Variants in TMEM132D observed in about 807,000 individuals in gnomAD.
TMEM132D encodes the protein transmembrane protein 132D, also known as mature OL transmembrane protein.
Under a neutral mutation model 62.3 loss-of-function variants are expected in TMEM132D, and 21 were observed. That is an observed-to-expected ratio of 0.34 (90% confidence interval 0.24 to 0.49). The LOEUF is 0.49. Among genes scored for constraint, TMEM132D ranks in the 20% least tolerant of loss-of-function variants. The pLI is 0.99. For missense variants in TMEM132D, 1,346 were observed against 1,402.8 expected (o/e 0.96, Z 0.65); for synonymous variants, 621 against 575.6 (o/e 1.08, Z -1.13).
intron 1 of TMEM132D, among the ~76,000 whole-genome samples, chr12:129,815,341 T>C (rs1043627853): frequency 6.6e-6 from 1 of 152,238 alleles, no homozygotes; most frequent in African/African-American, 2.4e-5. Flanking sequence ...CAGGCATCGC[T>C]TGAGAGACTC....
intron 3 of TMEM132D, among the ~76,000 whole-genome samples, chr12:129,344,193 C>T (rs143169273): frequency 9.4e-4 from 143 of 152,196 alleles, no homozygotes; most frequent in African/African-American, 3.0e-3. Flanking sequence ...TTCTTTCTTG[C>T]GTGAGATCCA....
In TMEM132D at chr12:129,074,136, A is replaced by C. The variant is rs745333995; in HGVS notation, c.3039T>G (p.Asn1013Lys). ...LLSTNSQKSI[N>K]GQLFKPLGPI... ...GTCCCAAAGGTTTGAACAGCTGCCCATTGATGCTTTTTTGGGAGTTTGTGC... is the reference window on the plus strand; with the variant it reads ...GTCCCAAAGGTTTGAACAGCTGCCCCTTGATGCTTTTTTGGGAGTTTGTGC... Residue 1013 changes from asparagine (N) to lysine (K), a missense_variant, in exon 9 of 9, where the codon AAT (asparagine) becomes AAG (lysine). Transcript: ENST00000422113. 3.7e-6 allele frequency: 6 copies of C among 1,613,972 alleles called. No individual in the cohort carries two copies. The Admixed American group carries it at 6.7e-5, about 18-fold the overall frequency.
chr12:129,402,831 G>A (rs1736371273), intron 3 of TMEM132D, among the ~76,000 whole-genome samples: 1 of 152,002 alleles, frequency 6.6e-6, no homozygotes, highest in Admixed American at 6.5e-5. Context: ...ATTGAGGACT[G>A]GGTCCTGGGG....
At chr12:129,418,129 G>A (rs1290618099) in intron 3 of TMEM132D, among the ~76,000 whole-genome samples, 2 of 152,168 alleles carry the variant, frequency 1.3e-5, no homozygotes, top group Non-Finnish European at 2.9e-5. Flanking sequence ...TGAACTAATG[G>A]TTGCATTGTG....
intron 2 of TMEM132D, among the ~76,000 whole-genome samples, chr12:129,631,673 A>AG (rs1879348794): frequency 1.3e-5 from 2 of 152,218 alleles, no homozygotes; most frequent in Admixed American, 1.3e-4. Flanking sequence ...TAGCTGGGAA[A>AG]GGATCACCTA....
At chr12:129,085,442 C>T (rs928447812) in intron 5 of TMEM132D, 2 of 152,276 alleles carry the variant, frequency 1.3e-5, no homozygotes, top group South Asian at 2.1e-4. Context: ...AAGTTGCCCA[C>T]CATGCGAGCT....
intron 4 of TMEM132D, among the ~76,000 whole-genome samples, chr12:129,226,023 G>A (rs1484319437): frequency 6.6e-6 from 1 of 152,182 alleles, no homozygotes; most frequent in African/African-American, 2.4e-5. Flanking sequence ...CTGAAAGAAA[G>A]ACGGGAAGTT....
chr12:129,513,753 G>A (rs1013154530), intron 3 of TMEM132D, among the ~76,000 whole-genome samples: 3 of 150,948 alleles, frequency 2.0e-5, no homozygotes, highest in African/African-American at 7.3e-5. Flanking sequence ...TCAAAGTGCT[G>A]GGATTACAGG....
intron 5 of TMEM132D, among the ~76,000 whole-genome samples, chr12:129,179,849 G>A (rs536025191): frequency 3.9e-5 from 6 of 152,124 alleles, no homozygotes; most frequent in South Asian, 2.1e-4. Context: ...CCAACATGGC[G>A]AAACTCCGTC....
Position 129,072,431 on chromosome 12 carries a change from T to C in TMEM132D, c.*1444A>G, listed in dbSNP as rs761999009. 1 of 152,412 alleles carries C rather than the reference T, an allele frequency of 6.6e-6. No homozygotes were observed. The highest frequency in any genetic ancestry group is 1.5e-5 in the Non-Finnish European group (1 of 68,076). 9.4% of individuals were successfully genotyped at this position (152,412 alleles called of 1,614,324 possible). ...AGGCAGGAATTCTCTGATGTATCCT[T>C]GCCCCCATCTTCATAGGCTTCATAA... is the stretch of plus-strand genomic sequence containing the variant. On this transcript the variant is annotated 3_prime_UTR_variant, in exon 9 of 9. Transcript: ENST00000422113.
In TMEM132D at chr12:129,383,483, T is replaced by C. The variant is rs1257394993; in HGVS notation, c.1116-45666A>G. Among the ~76,000 whole-genome samples, 4 of 152,160 alleles carry C rather than the reference T, an allele frequency of 2.6e-5. No homozygotes were observed. In the East Asian group the frequency reaches 5.8e-4, roughly 22 times the overall value. On this transcript the variant is annotated intron_variant, in intron 3 of 8. Transcript: ENST00000422113. ...TGTTGTTATTGAGGCGGAGTCTTGCTCTGTTGCCCAGGCTGGCATGGAGTG... is the reference window on the plus strand; with the variant it reads ...TGTTGTTATTGAGGCGGAGTCTTGCCCTGTTGCCCAGGCTGGCATGGAGTG...
In TMEM132D at chr12:129,791,677, C is replaced by T. The variant is rs144769719; in HGVS notation, c.80-90979G>A. ...ATTAACCCCCCCAGTCACCAATCCGCGCTTCTCCACACATTTCCAAGAACC... is the reference window on the plus strand; with the variant it reads ...ATTAACCCCCCCAGTCACCAATCCGTGCTTCTCCACACATTTCCAAGAACC... On this transcript the variant is annotated intron_variant, in intron 1 of 8. Coordinates refer to ENST00000422113, the MANE Select transcript of TMEM132D (RefSeq NM_133448.3). 1.4e-3 allele frequency among the ~76,000 whole-genome samples: 211 copies of T among 152,240 alleles called. 1 individual carries two copies. Among genetic ancestry groups the T allele is most frequent in the Middle Eastern group, 6.8e-3 (2 of 294 alleles).
intron 3 of TMEM132D, among the ~76,000 whole-genome samples, chr12:129,502,795 T>G (rs773694901): frequency 7.9e-5 from 12 of 152,196 alleles, no homozygotes; most frequent in Non-Finnish European, 1.5e-4. Context: ...CCAATACTCA[T>G]GGCCAGGGGA....
At chr12:129,581,799 C>T (rs1428467975) in intron 2 of TMEM132D, among the ~76,000 whole-genome samples, 2 of 152,208 alleles carry the variant, frequency 1.3e-5, no homozygotes, top group African/African-American at 4.8e-5. Context: ...AGGGACAATA[C>T]TTTGCATCCT....
At chr12:129,261,670 CT>C (rs1164762241) in intron 4 of TMEM132D, among the ~76,000 whole-genome samples, 1 of 152,104 alleles carries the variant, frequency 6.6e-6, no homozygotes, top group Non-Finnish European at 1.5e-5. Context: ...TGTTTCTTTC[CT>C]GTGAGGCCTC....
At chr12:129,894,882 G>A (rs1168224095) in intron 1 of TMEM132D, among the ~76,000 whole-genome samples, 2 of 152,160 alleles carry the variant, frequency 1.3e-5, no homozygotes, top group South Asian at 2.1e-4. Context: ...TGTGATCTAC[G>A]TTCAGCATGT....
rs76766142 is a variant in TMEM132D at position 129,216,539 on chromosome 12, C to T, written c.1300-6876G>A. The stretch of plus-strand genomic sequence containing the variant: ...GAATATCAAGAATTGGCACAACCCA[C>T]AGAAGCTGGAAGAGGTAGGAAGGAT... On this transcript the variant is annotated intron_variant, in intron 4 of 8. Transcript: ENST00000422113. 1.4e-3 allele frequency among the ~76,000 whole-genome samples: 214 copies of T among 152,304 alleles called. 4 individuals carry two copies. The East Asian group carries it at 0.034, about 24-fold the overall frequency.
intron 1 of TMEM132D, among the ~76,000 whole-genome samples, chr12:129,725,947 G>A (rs1042814958): frequency 2.6e-5 from 4 of 152,194 alleles, no homozygotes; most frequent in African/African-American, 7.2e-5. Flanking sequence ...CTATGCAGAC[G>A]CAGGTCCAGA....
intron 2 of TMEM132D, among the ~76,000 whole-genome samples, chr12:129,604,732 C>T (rs1878570677): frequency 6.6e-6 from 1 of 152,204 alleles, no homozygotes. Flanking sequence ...CATTATCATA[C>T]TTAGATACTG....
Sources: gnomAD v4.1 joint callset for allele counts (sites outside exome capture counted in the v4.1 genomes callset) on GRCh38, gnomAD v4.1.1 for gene constraint, MANE v1.5 for transcripts, NCBI Gene and HGNC (gene_info 2026-07-23, HGNC 2026-07-21) for gene names.